The following STYK1 variants were observed in gnomAD, a reference collection of about 807,000 sequenced individuals.
STYK1 encodes the protein STY kinase 1, also known as tyrosine-protein kinase STYK1.
STYK1 carries 46 observed loss-of-function variants against 48.1 expected under a neutral mutation model. The observed-to-expected ratio is 0.96, with a 90% CI of 0.75 to 1.22. STYK1 has a LOEUF of 1.22. Ranked by LOEUF, STYK1 falls within the 50% of genes most tolerant of loss-of-function variation. STYK1 has a pLI of 0.00. For synonymous variants in STYK1, 188 were observed against 189.0 expected (o/e 0.99, Z 0.04); for missense variants, 527 against 521.1 (o/e 1.01, Z -0.11).
rs1290796260 is a variant in STYK1, at chr12:10,621,756, C to G, written c.1064+120G>C. ...TTTACTGCATGGGTTTGGTTAAAAG[C>G]TGTACATGGGTACATATACACAGGT... On this transcript the variant is annotated intron_variant, in intron 10 of 10. Coordinates refer to ENST00000075503, the MANE Select transcript of STYK1 (RefSeq NM_018423.3). 6.3e-6 allele frequency: 5 copies of G among 788,262 alleles called. No individual in the cohort carries two copies. The East Asian group carries it at 1.0e-4, about 16-fold the overall frequency. The allele number at this position is 788,262 out of a possible 1,614,324, so 48.8% of individuals were successfully genotyped here. A position where few individuals can be genotyped will look rare whatever the true frequency, so the allele number is the denominator to read the frequency against.
chr12:10,626,251 T>C (rs952467124), intron 7 of STYK1, among the ~76,000 whole-genome samples: 1 of 152,148 alleles, frequency 6.6e-6, no homozygotes, highest in Non-Finnish European at 1.5e-5. Context: ...TAGCATAGGG[T>C]CCTGATGAAT....
At chr12:10,661,382 C>T (rs1223339378) in intron 1 of STYK1, among the ~76,000 whole-genome samples, 1 of 152,172 alleles carries the variant, frequency 6.6e-6, no homozygotes, top group African/African-American at 2.4e-5. Flanking sequence ...GTCATCTCTT[C>T]CTCCTCTTGC....
intron 2 of STYK1, 147 bp from the exon 3 acceptor site, chr12:10,634,833 T>C: frequency 1.7e-6 from 1 of 578,096 alleles, no homozygotes; most frequent in Non-Finnish European, 3.0e-6. Context: ...TCTACCTAGC[T>C]GATATTCAGG....
chr12:10,639,213 G>C (rs973197224), intron 1 of STYK1, among the ~76,000 whole-genome samples: 2 of 152,022 alleles, frequency 1.3e-5, no homozygotes, highest in Admixed American at 1.3e-4. Context: ...AAGTGAGATA[G>C]AGAACAATGC....
intron 1 of STYK1, among the ~76,000 whole-genome samples, chr12:10,649,392 C>T (rs991980315): frequency 6.6e-6 from 1 of 152,150 alleles, no homozygotes; most frequent in Non-Finnish European, 1.5e-5. Context: ...TGGAATACTA[C>T]ACATTTATTA....
chr12:10,672,935 A>C lies in STYK1; in HGVS notation c.-195+1031T>G, dbSNP rs10772349. The stretch of plus-strand genomic sequence containing the variant: ...GGGGGAAAAACCAGGTAGACAGCAC[A>C]GAGTTCTGTTTCCAGGTGTATTTCA... On this transcript the variant is annotated intron_variant, in intron 1 of 10. Coordinates refer to ENST00000075503, the MANE Select transcript of STYK1 (RefSeq NM_018423.3). The surrounding 1 kb of genome is among the most constrained non-coding windows in gnomAD (Gnocchi z 4.0). 0.36 allele frequency among the ~76,000 whole-genome samples: 55,013 copies of C among 151,998 alleles called. 10,646 individuals are homozygous for C. The highest frequency in any genetic ancestry group is 0.54 in the East Asian group (2,810 of 5,156).
At chr12:10,661,065 T>C (rs1235730903) in intron 1 of STYK1, among the ~76,000 whole-genome samples, 1 of 152,118 alleles carries the variant, frequency 6.6e-6, no homozygotes, top group Non-Finnish European at 1.5e-5. Context: ...GGGGTCTGAA[T>C]TGGGACCCCT....
intron 1 of STYK1, among the ~76,000 whole-genome samples, chr12:10,641,803 C>G (rs1164868422): frequency 6.6e-6 from 1 of 152,184 alleles, no homozygotes; most frequent in African/African-American, 2.4e-5. Context: ...TTCTGTACAG[C>G]CAGGATCCAA....
chr12:10,667,129 A>G (rs954515212), intron 1 of STYK1, among the ~76,000 whole-genome samples: 10 of 152,246 alleles, frequency 6.6e-5, no homozygotes, highest in African/African-American at 2.4e-4. Flanking sequence ...ATTTTTAAAA[A>G]TACCCTTAAA....
At chr12:10,648,593 T>A (rs1395608280) in intron 1 of STYK1, among the ~76,000 whole-genome samples, 1 of 151,978 alleles carries the variant, frequency 6.6e-6, no homozygotes, top group Non-Finnish European at 1.5e-5. Context: ...TTTTTGCCAA[T>A]CCATTTAAGA....
chr12:10,640,303 G>C (rs932651839), intron 1 of STYK1, among the ~76,000 whole-genome samples: 4 of 152,192 alleles, frequency 2.6e-5, no homozygotes, highest in Admixed American at 2.6e-4. Context: ...TACCGTTCTA[G>C]GGAAACAAAC....
At chr12:10,648,395 G>C (rs1176819193) in intron 1 of STYK1, among the ~76,000 whole-genome samples, 1 of 151,510 alleles carries the variant, frequency 6.6e-6, no homozygotes, top group Admixed American at 6.6e-5. Flanking sequence ...TAAAAACATA[G>C]TACTTTTATA....
intron 1 of STYK1, among the ~76,000 whole-genome samples, chr12:10,671,436 A>C (rs188925204): frequency 1.4e-5 from 2 of 143,874 alleles, no homozygotes; most frequent in African/African-American, 5.4e-5. Context: ...AGTGTGAGAA[A>C]GGCAAAAGTG....
intron 5 of STYK1, 80 bp downstream of exon 5, chr12:10,630,965 T>C (rs985667919): frequency 6.5e-7 from 1 of 1,534,994 alleles, no homozygotes; most frequent in African/African-American, 1.4e-5. Context: ...CAACTATCTG[T>C]TAGTTAACAT....
At chr12:10,641,025 C>A (rs1277894988) in intron 1 of STYK1, among the ~76,000 whole-genome samples, 2 of 152,142 alleles carry the variant, frequency 1.3e-5, no homozygotes, top group Non-Finnish European at 2.9e-5. Flanking sequence ...CCTTCATCTA[C>A]CAGTTTCAAA....
intron 1 of STYK1, among the ~76,000 whole-genome samples, chr12:10,653,756 C>A (rs149537526): frequency 1.5e-3 from 223 of 152,268 alleles, no homozygotes; most frequent in African/African-American, 5.1e-3. Flanking sequence ...ATATTGCTAG[C>A]AATACCTGCT....
intron 7 of STYK1, among the ~76,000 whole-genome samples, chr12:10,625,401 TAG>T (rs1947347134): frequency 6.6e-6 from 1 of 152,114 alleles, no homozygotes; most frequent in Non-Finnish European, 1.5e-5. Context: ...GTATTTTTAG[TAG>T]AGACGGGGTT....
chr12:10,657,745 C>G (rs753989453), intron 1 of STYK1, among the ~76,000 whole-genome samples: 4 of 152,218 alleles, frequency 2.6e-5, no homozygotes, highest in African/African-American at 4.8e-5. Flanking sequence ...TTGTACTTCT[C>G]TCTGGTGTCC....
chr12:10,651,038 G>T (rs1328159348), intron 1 of STYK1, among the ~76,000 whole-genome samples: 2 of 151,192 alleles, frequency 1.3e-5, no homozygotes, highest in Non-Finnish European at 2.9e-5. Context: ...GGAGCAGTGT[G>T]TGTGCAAGTG....
Sources: gnomAD v4.1 joint callset for allele counts (sites outside exome capture counted in the v4.1 genomes callset) on GRCh38, gnomAD v4.1.1 for gene constraint, Gnocchi (gnomAD v3.1) non-coding constraint, MANE v1.5 for transcripts, NCBI Gene and HGNC (gene_info 2026-07-23, HGNC 2026-07-21) for gene names.